Variants in PHF24 observed in about 807,000 individuals in gnomAD.
The protein encoded by PHF24 is Galpha inhibitory interacting protein.
PHF24 carries 25 observed loss-of-function variants against 42.6 expected under a neutral mutation model. The observed-to-expected ratio is 0.59, with a 90% CI of 0.43 to 0.82. The LOEUF (loss-of-function observed/expected upper bound fraction) is 0.82, where lower values mean the gene tolerates loss of function less well. PHF24 is among the 40% of genes least tolerant of loss of function. The pLI is 0.00. For missense variants in PHF24, 470 were observed against 538.1 expected, an observed-to-expected ratio of 0.87 and a Z score of 1.25; for synonymous variants, 185 against 204.8, an observed-to-expected ratio of 0.90 and a Z score of 0.83.
intron 1 of PHF24, among the ~76,000 whole-genome samples, chr9:34,965,768 A>G (rs7870845): frequency 0.023 from 3,490 of 152,326 alleles, 141 homozygotes; most frequent in African/African-American, 0.079. Context: ...TTTATAGAGT[A>G]ACTTCCTAAC....
chr9:34,886,751 T>TCTGC, the PHF24 span, among the ~76,000 whole-genome samples: 1 of 41,240 alleles, frequency 2.4e-5, no homozygotes, highest in Non-Finnish European at 7.4e-5. Flanking sequence ...TATCTATCTA[T>TCTGC]CTATCTGTCT....
At chr9:34,944,376 T>C in the PHF24 span, among the ~76,000 whole-genome samples, 1 of 152,242 alleles carries the variant, frequency 6.6e-6, no homozygotes, top group African/African-American at 2.4e-5. Context: ...GTGTATAACA[T>C]TTTGTCTCCC....
At chr9:34,792,540 C>A in the PHF24 span, among the ~76,000 whole-genome samples, 1 of 152,016 alleles carries the variant, frequency 6.6e-6, no homozygotes, top group South Asian at 2.1e-4. Context: ...TGTGGTGGTG[C>A]GTACCTGTAA....
chr9:34,950,241 G>A, the PHF24 span, among the ~76,000 whole-genome samples: 107 of 151,688 alleles, frequency 7.1e-4, no homozygotes, highest in South Asian at 0.016. Flanking sequence ...CCAGCTACTC[G>A]GGAGGCTGAG....
the PHF24 span, among the ~76,000 whole-genome samples, chr9:34,705,436 C>T: frequency 6.6e-6 from 1 of 151,578 alleles, no homozygotes; most frequent in Non-Finnish European, 1.5e-5. Flanking sequence ...TAGGCACATG[C>T]CACTACACCA....
At chr9:34,868,631 TGA>T in the PHF24 span, among the ~76,000 whole-genome samples, 1 of 152,242 alleles carries the variant, frequency 6.6e-6, no homozygotes, top group Non-Finnish European at 1.5e-5. Flanking sequence ...CATAGCAGTA[TGA>T]GAGAGCTCTG....
chr9:34,673,415 G>T, the PHF24 span, among the ~76,000 whole-genome samples: 1 of 151,844 alleles, frequency 6.6e-6, no homozygotes, highest in African/African-American at 2.4e-5. Flanking sequence ...TCAACCCCTG[G>T]ATCCAGCCAG....
the PHF24 span, chr9:34,691,413 C>G: frequency 2.2e-6 from 1 of 458,776 alleles, no homozygotes; most frequent in Non-Finnish European, 3.9e-6. Flanking sequence ...CCCTTCTTCC[C>G]CCTGCGGTTG....
chr9:34,909,661 G>A, the PHF24 span, among the ~76,000 whole-genome samples: 1,810 of 148,750 alleles, frequency 0.012, 36 homozygotes, highest in African/African-American at 0.041. Flanking sequence ...TCGCTCTGTC[G>A]CCCAGGCTGG....
the PHF24 span, among the ~76,000 whole-genome samples, chr9:34,831,972 A>T: frequency 1.3e-5 from 2 of 152,202 alleles, no homozygotes; most frequent in Admixed American, 6.5e-5. Context: ...CTCCTCAAGG[A>T]GGGAATACTG....
chr9:34,929,038 A>G, the PHF24 span, among the ~76,000 whole-genome samples: 7 of 152,130 alleles, frequency 4.6e-5, no homozygotes, highest in Admixed American at 1.3e-4. Flanking sequence ...GCTGTGCTAT[A>G]GCCCACTCTT....
the PHF24 span, chr9:34,837,600 T>A: frequency 7.3e-7 from 1 of 1,361,030 alleles, no homozygotes; most frequent in South Asian, 1.3e-5. Flanking sequence ...AGGGACAGGA[T>A]TCATAGGAAA....
At chr9:34,834,181 G>A in the PHF24 span, 1,463 of 1,497,374 alleles carry the variant, frequency 9.8e-4, 7 homozygotes, top group South Asian at 9.7e-3. Flanking sequence ...CCACTGCCAG[G>A]ACCCCAGAAA....
At chr9:34,939,392 ATGCC>A in the PHF24 span, among the ~76,000 whole-genome samples, 1 of 152,196 alleles carries the variant, frequency 6.6e-6, no homozygotes, top group Non-Finnish European at 1.5e-5. Context: ...ATTGGGGGAA[ATGCC>A]TGCAAAAGGT....
At chr9:34,766,839 C>A in the PHF24 span, among the ~76,000 whole-genome samples, 1 of 152,112 alleles carries the variant, frequency 6.6e-6, no homozygotes, top group Non-Finnish European at 1.5e-5. Flanking sequence ...GTTTTATCTA[C>A]TTTTGGTCTT....
At chr9:34,881,265 C>T in the PHF24 span, among the ~76,000 whole-genome samples, 9 of 152,272 alleles carry the variant, frequency 5.9e-5, no homozygotes, top group South Asian at 1.9e-3. Context: ...CAAGAAAGAT[C>T]TAAAACTGAC....
chr9:34,717,547 T>C, the PHF24 span, among the ~76,000 whole-genome samples: 1 of 151,830 alleles, frequency 6.6e-6, no homozygotes, highest in Non-Finnish European at 1.5e-5. Context: ...GGCAGTGGAC[T>C]CTCTTCCTGA....
chr9:34,948,529 TAGG>T, the PHF24 span, among the ~76,000 whole-genome samples: 34 of 152,186 alleles, frequency 2.2e-4, no homozygotes, highest in African/African-American at 7.7e-4. Flanking sequence ...TATGGTTAGA[TAGG>T]TTTAGATACA....
the PHF24 span, among the ~76,000 whole-genome samples, chr9:34,794,164 A>G: frequency 2.0e-5 from 3 of 152,090 alleles, no homozygotes; most frequent in Non-Finnish European, 2.9e-5. Flanking sequence ...TCTGAAATCT[A>G]AACTGTGGAA....
Sources: allele counts gnomAD v4.1 joint callset (sites outside exome capture counted in the v4.1 genomes callset), GRCh38; gene constraint gnomAD v4.1.1; transcripts MANE v1.5; gene names NCBI Gene and HGNC (gene_info 2026-07-23, HGNC 2026-07-21).